WWTR1: variants seen among roughly 807,000 people sequenced by gnomAD.
WWTR1 encodes WW domain-containing transcription regulator protein 1.
WWTR1 carries 13 observed loss-of-function variants against 40.1 expected under a neutral mutation model. That is an observed-to-expected ratio of 0.32 (90% CI 0.21 to 0.52). WWTR1 has a LOEUF of 0.52. WWTR1 is among the 20% of genes least tolerant of loss of function. The probability of loss-of-function intolerance (pLI) is 0.97; values close to 1 mark genes in which losing one functional copy is unlikely to be tolerated. For missense variants in WWTR1, 436 were observed against 523.1 expected, an observed-to-expected ratio of 0.83 and a Z score of 1.63; for synonymous variants, 230 against 210.1, an observed-to-expected ratio of 1.09 and a Z score of -0.82.
At chr3:149,639,359 C>A (rs2108123469) in intron 2 of WWTR1, among the ~76,000 whole-genome samples, 1 of 152,130 alleles carries the variant, frequency 6.6e-6, no homozygotes, top group South Asian at 2.1e-4. Context: ...GTGTGCACCA[C>A]CACATTCTGT....
At chr3:149,641,800 A>G (rs760678624) in intron 2 of WWTR1, among the ~76,000 whole-genome samples, 1 of 152,246 alleles carries the variant, frequency 6.6e-6, no homozygotes. Flanking sequence ...ACAGACAAAT[A>G]CAAAGAACAA....
intron 2 of WWTR1, among the ~76,000 whole-genome samples, chr3:149,653,144 A>G (rs1205007094): frequency 6.6e-6 from 1 of 152,242 alleles, no homozygotes; most frequent in Non-Finnish European, 1.5e-5. Context: ...CAAATGAAAG[A>G]TTTTTACAAG....
At chr3:149,559,544 C>T (rs1246084485) in intron 3 of WWTR1, among the ~76,000 whole-genome samples, 1 of 152,108 alleles carries the variant, frequency 6.6e-6, no homozygotes, top group Non-Finnish European at 1.5e-5. Context: ...TTAGACTAAA[C>T]TTGAAACTCT....
chr3:149,670,393 C>T (rs928389095), intron 1 of WWTR1, among the ~76,000 whole-genome samples: 1 of 152,110 alleles, frequency 6.6e-6, no homozygotes, highest in African/African-American at 2.4e-5. Flanking sequence ...CAGCCCCTAC[C>T]GCTGTAGTTG....
intron 3 of WWTR1, among the ~76,000 whole-genome samples, chr3:149,564,901 G>T (rs1737240256): frequency 6.6e-6 from 1 of 152,086 alleles, no homozygotes; most frequent in South Asian, 2.1e-4. Flanking sequence ...ATATATTTGT[G>T]GCTAGGCGCA....
intron 3 of WWTR1, among the ~76,000 whole-genome samples, chr3:149,569,324 A>G (rs1576567926): frequency 6.6e-6 from 1 of 152,230 alleles, no homozygotes; most frequent in Non-Finnish European, 1.5e-5. Flanking sequence ...TTGCCATAAA[A>G]ATAATGATAA....
chr3:149,625,502 G>A (rs971127974), intron 2 of WWTR1, among the ~76,000 whole-genome samples: 2 of 152,002 alleles, frequency 1.3e-5, no homozygotes, highest in African/African-American at 4.8e-5. Context: ...GCAAAAATTA[G>A]GGGCTGAGCA....
chr3:149,538,139 C>T (rs1012004185), intron 4 of WWTR1, among the ~76,000 whole-genome samples: 15 of 152,062 alleles, frequency 9.9e-5, no homozygotes, highest in Non-Finnish European at 2.1e-4. Flanking sequence ...AGGCTGGTCT[C>T]GAACTCCTGA....
chr3:149,520,004 T>A lies in WWTR1; in HGVS notation c.*801A>T, dbSNP rs767543911. The A allele has an allele frequency of 3.3e-5, 5 of 152,090 alleles. No homozygotes were observed. The highest frequency in any genetic ancestry group is 7.3e-5 in the Non-Finnish European group (5 of 68,042). 9.4% of individuals were successfully genotyped at this position (152,090 alleles called of 1,614,324 possible). ...CATCAGATTCTAAGCTGCAATTTTTTAAATCCCCAGTTGTAATATTTCAAA... is the reference window on the plus strand; with the variant it reads ...CATCAGATTCTAAGCTGCAATTTTTAAAATCCCCAGTTGTAATATTTCAAA... On this transcript the variant is annotated 3_prime_UTR_variant, in exon 7 of 7. Transcript: ENST00000360632.
intron 1 of WWTR1, among the ~76,000 whole-genome samples, chr3:149,700,989 A>G (rs982762767): frequency 5.9e-5 from 9 of 152,226 alleles, no homozygotes; most frequent in African/African-American, 2.2e-4. Context: ...GGATAAAATG[A>G]CAGCCCAAGG....
chr3:149,528,077 A>C (rs1735413129), intron 4 of WWTR1, 108 bp from the exon 5 acceptor site: 1 of 1,364,712 alleles, frequency 7.3e-7, no homozygotes, highest in Middle Eastern at 2.2e-4. Flanking sequence ...CTGTGTATTT[A>C]CTCCCAGCAA....
chr3:149,605,079 C>T (rs6792786), intron 2 of WWTR1, among the ~76,000 whole-genome samples: 1 of 152,148 alleles, frequency 6.6e-6, no homozygotes, highest in Non-Finnish European at 1.5e-5. Flanking sequence ...GGTCCAGAGG[C>T]CGGAGACAGC....
chr3:149,585,832 A>T (rs1738395280), intron 2 of WWTR1, among the ~76,000 whole-genome samples: 1 of 152,190 alleles, frequency 6.6e-6, no homozygotes, highest in Non-Finnish European at 1.5e-5. Context: ...ATCTAATTTA[A>T]TTTTTCTAAT....
At chr3:149,579,445 C>G (rs1738042474) in intron 2 of WWTR1, among the ~76,000 whole-genome samples, 1 of 152,206 alleles carries the variant, frequency 6.6e-6, no homozygotes, top group Admixed American at 6.5e-5. Flanking sequence ...TGAAATTCCT[C>G]TGTAGCCTCT....
At chr3:149,577,831 C>T (rs1737956649) in intron 2 of WWTR1, among the ~76,000 whole-genome samples, 1 of 152,108 alleles carries the variant, frequency 6.6e-6, no homozygotes, top group African/African-American at 2.4e-5. Flanking sequence ...TCACCCTCCC[C>T]TCAGACTGGC....
chr3:149,637,232 T>G (rs1372489379), intron 2 of WWTR1, among the ~76,000 whole-genome samples: 4 of 26,418 alleles, frequency 1.5e-4, no homozygotes, highest in African/African-American at 2.2e-4. Flanking sequence ...TTGAGTATGT[T>G]TTTTTTTTTT....
At chr3:149,590,686 T>A (rs1423229112) in intron 2 of WWTR1, among the ~76,000 whole-genome samples, 1 of 152,186 alleles carries the variant, frequency 6.6e-6, no homozygotes, top group African/African-American at 2.4e-5. Flanking sequence ...GAAGTAAACC[T>A]ACTTAATAAG....
At chr3:149,539,277 C>T (rs572934033) in intron 4 of WWTR1, among the ~76,000 whole-genome samples, 27 of 152,250 alleles carry the variant, frequency 1.8e-4, no homozygotes, top group African/African-American at 6.3e-4. Flanking sequence ...TCAGATTCGT[C>T]GTATCATTCA....
chr3:149,525,955 G>A lies in WWTR1; in HGVS notation c.1018+58C>T, dbSNP rs996663533. ...AAAGAAAAATAAAATTGAGATAACC[G>A]AAGAGATCATTTAAAAAACACAAAC... On this transcript the variant is annotated intron_variant, in intron 6 of 6. Coordinates refer to ENST00000360632, the MANE Select transcript of WWTR1 (RefSeq NM_015472.6). 1.4e-5 allele frequency: 14 copies of A among 968,298 alleles called. No homozygotes were observed. In the Admixed American group the frequency reaches 1.6e-4, roughly 11 times the overall value. The allele number at this position is 968,298 out of a possible 1,614,324, so 60.0% of individuals were successfully genotyped here. A position where few individuals can be genotyped will look rare whatever the true frequency, so the allele number is the denominator to read the frequency against.
Sources: allele counts gnomAD v4.1 joint callset (sites outside exome capture counted in the v4.1 genomes callset), GRCh38; gene constraint gnomAD v4.1.1; transcripts MANE v1.5; gene names NCBI Gene and HGNC (gene_info 2026-07-23, HGNC 2026-07-21).